DNAAF8: variants seen among roughly 807,000 people sequenced by gnomAD.
DNAAF8 encodes dynein axonemal assembly factor 8.
A neutral mutation model predicts 54.6 loss-of-function variants in DNAAF8; 61 were observed. The ratio of observed to expected loss-of-function variants is 1.12; its 90% CI spans 0.91 to 1.38. The LOEUF (loss-of-function observed/expected upper bound fraction) is 1.38. Among genes scored for constraint, DNAAF8 ranks in the 40% most tolerant of loss-of-function variants. The pLI, the probability that DNAAF8 is intolerant of heterozygous loss-of-function variation, is 0.00. For missense variants in DNAAF8, 837 were observed against 665.0 expected, an observed-to-expected ratio of 1.26 and a Z score of -2.85; for synonymous variants, 320 against 270.1, an observed-to-expected ratio of 1.18 and a Z score of -1.81.
In DNAAF8 at chr16:4,747,028, A is replaced by G; in HGVS notation, c.1280+3A>G. 6.6e-7 allele frequency: 1 copy of G among 1,526,186 alleles called. No homozygotes were observed. Among genetic ancestry groups the G allele is most frequent in the Non-Finnish European group, 8.8e-7 (1 of 1,141,694 alleles). The allele number at this position is 1,526,186 out of a possible 1,614,324, so 94.5% of individuals were successfully genotyped here. On this transcript the variant is annotated splice_donor_region_variant and intron_variant, in intron 8 of 9. Transcript: ENST00000299320. ...TCTCCTTCCTCCCTGGGGCTACGGT[A>G]ACCACCCAGGGGCCTCTCGCCACCT...
At chr16:4,747,746 G>C in intron 9 of DNAAF8, 112 bp downstream of exon 9, 1 of 1,313,128 alleles carries the variant, frequency 7.6e-7, no homozygotes. Context: ...CCAGAGGCAG[G>C]GACCCTCAGA....
At chr16:4,740,779 T>C in intron 4 of DNAAF8, 120 bp downstream of exon 4, 1 of 1,251,226 alleles carries the variant, frequency 8.0e-7, no homozygotes, top group South Asian at 1.5e-5. Context: ...TTAGGCCCAT[T>C]ATCCACCATT....
chr16:4,736,553 C>A lies in DNAAF8; in HGVS notation c.39C>A (p.Gly13=). 1 of 1,581,206 alleles carries A rather than the reference C, an allele frequency of 6.3e-7. No homozygotes were observed. Among genetic ancestry groups the A allele is most frequent in the Non-Finnish European group, 8.6e-7 (1 of 1,158,682 alleles). ...ATAAAGGCATGGCACCCTCGCTGGG[C>A]TCTCCCTGGGCCTCCCAGATGGGGC... ...SNDKGMAPSL[G]SPWASQMGPW... Residue 13 remains glycine (G), a synonymous_variant, in exon 2 of 10, where the codon GGC becomes GGA. Coordinates refer to ENST00000299320, the MANE Select transcript of DNAAF8 (RefSeq NM_139170.3).
chr16:4,740,702 C>G (rs765764346), intron 4 of DNAAF8, 43 bp downstream of exon 4: 3 of 1,524,610 alleles, frequency 2.0e-6, no homozygotes, highest in Non-Finnish European at 2.6e-6. Flanking sequence ...GGCCTGTTAC[C>G]TGTGGCATGG....
In DNAAF8 at chr16:4,740,359, C is replaced by A. The variant is rs773958961; in HGVS notation, c.483C>A (p.Ser161=). 6.2e-7 allele frequency: 1 copy of A among 1,613,846 alleles called. No homozygotes were observed. The change falls in exon 4 of 10, where the codon TCC becomes TCA. Residue 161 remains serine, a synonymous_variant. Coordinates refer to ENST00000299320, the MANE Select transcript of DNAAF8 (RefSeq NM_139170.3). ...GCCTGTCTTTCAACACCAAAGGATC[C>A]CAGGGTCCTCCCTGGGACCCACAGG... is the stretch of plus-strand genomic sequence containing the variant. ...LGSLSFNTKG[S]QGPPWDPQAE...
Position 4,740,498 on chromosome 16 carries a change from G to A in DNAAF8, c.622G>A (p.Glu208Lys), listed in dbSNP as rs1182962845. The change falls in exon 4 of 10, where the codon GAG becomes AAG. Residue 208 changes from glutamate (E) to lysine (K), a missense_variant. Glu to Lys is a moderately conservative substitution (Grantham distance 56). Coordinates refer to ENST00000299320, the MANE Select transcript of DNAAF8 (RefSeq NM_139170.3). ...ALRQERRKMIETDILQKVTRD... is the reference protein window; with the variant it reads ...ALRQERRKMIKTDILQKVTRD... ...CCGACAGGAGAGAAGGAAGATGATA[G>A]AGACGGACATCCTCCAGAAAGTCAC... The A allele has an allele frequency of 1.2e-6, 2 of 1,614,040 alleles. No individual in the cohort carries two copies. Among genetic ancestry groups the A allele is most frequent in the East Asian group, 2.2e-5 (1 of 44,896 alleles).
At position 4,740,550 on chromosome 16, in the gene DNAAF8, G is replaced by A. The variant is rs866615824; in HGVS notation, c.674G>A (p.Ser225Asn). 3 of 1,614,032 alleles carry A rather than the reference G, an allele frequency of 1.9e-6. No homozygotes were observed. The highest frequency in any genetic ancestry group is 2.2e-5 in the East Asian group (1 of 44,884). ...VTRDACGPTS[S>N]DKGGVKEAPC... ...CGGGATGCCTGCGGCCCGACCAGCA[G>A]TGACAAAGGTGGGGTGAAGGAGGCG... The change falls in exon 4 of 10, where the codon AGT becomes AAT. Residue 225 changes from serine (S) to asparagine (N), a missense_variant. Coordinates refer to ENST00000299320, the MANE Select transcript of DNAAF8 (RefSeq NM_139170.3).
chr16:4,737,097 A>G (rs1228455933), intron 2 of DNAAF8, among the ~76,000 whole-genome samples: 1 of 152,146 alleles, frequency 6.6e-6, no homozygotes, highest in Non-Finnish European at 1.5e-5. Flanking sequence ...AATGGCTCTC[A>G]AAGACGCTCA....
intron 3 of DNAAF8, among the ~76,000 whole-genome samples, chr16:4,738,649 A>G (rs2142201854): frequency 6.6e-6 from 1 of 152,300 alleles, no homozygotes; most frequent in South Asian, 2.1e-4. Context: ...TTAGGAGGCC[A>G]GTATGGGTGG....
intron 1 of DNAAF8, 115 bp downstream of exon 1, chr16:4,734,813 A>G (rs1408906129): frequency 6.6e-6 from 1 of 152,100 alleles, no homozygotes; most frequent in South Asian, 2.1e-4. Context: ...CAGCTTTAAA[A>G]TTTAAAAGCT....
chr16:4,743,360 C>T (rs185922217), intron 5 of DNAAF8, 200 bp downstream of exon 5: 22 of 475,010 alleles, frequency 4.6e-5, no homozygotes, highest in African/African-American at 2.7e-4. Context: ...CCGCCTGCTA[C>T]GTGCCAGGCG....
Position 4,746,998 on chromosome 16 carries a change from G to A in DNAAF8, c.1253G>A (p.Gly418Glu), listed in dbSNP as rs778571243. 1 of 1,539,570 alleles carries A rather than the reference G, an allele frequency of 6.5e-7. No individual in the cohort carries two copies. Among genetic ancestry groups the A allele is most frequent in the Admixed American group, 2.3e-5 (1 of 43,472 alleles). ...ATGGCAGCTCTGGGAGACGCAGAGG[G>A]GGCATCTCCTTCCTCCCTGGGGCTA... ...EEMAALGDAE[G>E]ASPSSLGLRT... The change falls in exon 8 of 10, where the codon GGG becomes GAG. Residue 418 changes from glycine to glutamate, a missense_variant. Physicochemically the swap from Gly to Glu is moderately conservative, Grantham distance 98. Coordinates refer to ENST00000299320, the MANE Select transcript of DNAAF8 (RefSeq NM_139170.3).
chr16:4,739,976 C>G (rs2081941898), intron 3 of DNAAF8, among the ~76,000 whole-genome samples, 177 bp from the exon 4 acceptor site: 1 of 150,894 alleles, frequency 6.6e-6, no homozygotes, highest in Admixed American at 6.6e-5. Context: ...GGAGGATCGC[C>G]TGGGCCAGGG....
intron 1 of DNAAF8, among the ~76,000 whole-genome samples, chr16:4,736,225 A>T (rs2081897667): frequency 6.6e-6 from 1 of 152,150 alleles, no homozygotes; most frequent in Admixed American, 6.6e-5. Flanking sequence ...ATTATTATGT[A>T]TATATCACTA....
At chr16:4,741,610 G>A in intron 4 of DNAAF8, among the ~76,000 whole-genome samples, 1 of 152,080 alleles carries the variant, frequency 6.6e-6, no homozygotes, top group East Asian at 1.9e-4. Context: ...GAGCAGCCTG[G>A]CCAACATGGT....
chr16:4,738,347 C>G (rs1298784703), intron 3 of DNAAF8, among the ~76,000 whole-genome samples: 1 of 152,232 alleles, frequency 6.6e-6, no homozygotes, highest in Non-Finnish European at 1.5e-5. Context: ...CACAGGAACT[C>G]TGGTTTACTA....
chr16:4,747,469 T>G lies in DNAAF8; in HGVS notation c.1407T>G (p.Ala469=). ...GGRAQAPEDT[A]GSRTGRKQHM... is the part of the protein sequence containing the mutation. ...GGGCTCAGGCCCCTGAAGACACAGCTGGATCACGAACTGGGAGGAAGCAAC... is the reference window on the plus strand; with the variant it reads ...GGGCTCAGGCCCCTGAAGACACAGCGGGATCACGAACTGGGAGGAAGCAAC... The change falls in exon 9 of 10, where the codon GCT becomes GCG. Residue 469 remains alanine, a synonymous_variant. Transcript: ENST00000299320. 1 of 1,613,258 alleles carries G rather than the reference T, an allele frequency of 6.2e-7. No homozygotes were observed. The highest frequency in any genetic ancestry group is 8.5e-7 in the Non-Finnish European group (1 of 1,179,976).
In DNAAF8 at chr16:4,744,984, A is replaced by G; in HGVS notation, c.1016A>G (p.Asp339Gly). 1 of 1,613,742 alleles carries G rather than the reference A, an allele frequency of 6.2e-7. No homozygotes were observed. Among genetic ancestry groups the G allele is most frequent in the Non-Finnish European group, 8.5e-7 (1 of 1,179,738 alleles). ...ARKVPADTPQ[D>G]TKEADSGSRC... ...AAGGTGCCTGCCGACACTCCCCAGG[A>G]CACCAAAGAGGCAGATTCAGGAAGC... is the stretch of plus-strand genomic sequence containing the variant. Residue 339 changes from aspartate to glycine, a missense_variant, in exon 6 of 10, where the codon GAC (aspartate) becomes GGC (glycine). Asp to Gly is a moderately conservative substitution (Grantham distance 94, BLOSUM62 -1). Transcript: ENST00000299320.
At chr16:4,742,589 G>T (rs150386049) in intron 4 of DNAAF8, among the ~76,000 whole-genome samples, 1 of 150,694 alleles carries the variant, frequency 6.6e-6, no homozygotes, top group Non-Finnish European at 1.5e-5. Flanking sequence ...GTGTGGTGGC[G>T]CATGCCTGTA....
Sources: gnomAD v4.1 joint callset for allele counts (sites outside exome capture counted in the v4.1 genomes callset) on GRCh38, gnomAD v4.1.1 for gene constraint, MANE v1.5 for transcripts, NCBI Gene and HGNC (gene_info 2026-07-23, HGNC 2026-07-21) for gene names.